Variants in SMAD9 observed in about 807,000 individuals in gnomAD.
SMAD9 encodes the protein SMAD family member 9, also known as MAD homolog 9.
SMAD9 carries 36 observed loss-of-function variants against 46.1 expected under a neutral mutation model. The ratio of observed to expected loss-of-function variants is 0.78; its 90% CI spans 0.60 to 1.03. The LOEUF (loss-of-function observed/expected upper bound fraction) is 1.03, where lower values mean the gene tolerates loss of function less well. Ranked by LOEUF, SMAD9 falls within the 50% of genes least tolerant of loss-of-function variation. SMAD9 has a pLI of 0.00. For synonymous variants in SMAD9, 245 were observed against 237.1 expected (o/e 1.03, Z -0.31); for missense variants, 572 against 599.8 (o/e 0.95, Z 0.48).
At chr13:36,910,174 G>A (rs902671256) in intron 1 of SMAD9, among the ~76,000 whole-genome samples, 2 of 151,772 alleles carry the variant, frequency 1.3e-5, no homozygotes, top group Non-Finnish European at 2.9e-5. Context: ...TCCGGCGTGG[G>A]GGACACAGCG....
At chr13:36,908,097 G>A (rs915183562) in intron 1 of SMAD9, among the ~76,000 whole-genome samples, 3 of 152,174 alleles carry the variant, frequency 2.0e-5, no homozygotes, top group African/African-American at 7.2e-5. Context: ...TTCTCTGATG[G>A]TGGTGGTTTT....
chr13:36,904,477 C>T (rs185130613), intron 1 of SMAD9, among the ~76,000 whole-genome samples: 1 of 152,166 alleles, frequency 6.6e-6, no homozygotes, highest in African/African-American at 2.4e-5. Context: ...GCCTTTTATT[C>T]CCTGGACGGC....
At chr13:36,851,717 A>G in intron 6 of SMAD9, 1 of 974,138 alleles carries the variant, frequency 1.0e-6, no homozygotes, top group Non-Finnish European at 1.2e-6. Flanking sequence ...ACAGCTGCTC[A>G]TCTCAAATGT....
chr13:36,852,029 A>G, intron 6 of SMAD9: 1 of 977,246 alleles, frequency 1.0e-6, no homozygotes, highest in South Asian at 4.7e-5. Context: ...GCAACAGAAC[A>G]TTTGAAAAGA....
intron 6 of SMAD9, among the ~76,000 whole-genome samples, chr13:36,850,442 C>T (rs1331266362): frequency 6.6e-6 from 1 of 152,094 alleles, no homozygotes; most frequent in Non-Finnish European, 1.5e-5. Context: ...TGCAATGGTG[C>T]GATCTCAGCT....
rs553076602 is a variant in SMAD9, at chr13:36,902,321, G to A, written c.-187+17795C>T. On this transcript the variant is annotated intron_variant, in intron 1 of 6. Coordinates refer to ENST00000379826, the MANE Select transcript of SMAD9 (RefSeq NM_001127217.3). ...AAAAATCAATTGGCCACAGATGTTCGGGTTTATTTCTGGACTTTCAATTCT... is the reference window on the plus strand; with the variant it reads ...AAAAATCAATTGGCCACAGATGTTCAGGTTTATTTCTGGACTTTCAATTCT... Among the ~76,000 whole-genome samples the A allele has an allele frequency of 5.2e-4, 79 of 152,144 alleles. 1 individual carries two copies. The highest frequency in any genetic ancestry group is 1.7e-3 in the African/African-American group (70 of 41,510).
chr13:36,879,994 C>T, intron 1 of SMAD9, 119 bp from the exon 2 acceptor site: 1 of 415,128 alleles, frequency 2.4e-6, no homozygotes, highest in Non-Finnish European at 4.5e-6. Context: ...GGGTGAATGG[C>T]TCGAGCCCAG....
At chr13:36,860,158 C>G (rs1184287599) in intron 5 of SMAD9, among the ~76,000 whole-genome samples, 1 of 152,208 alleles carries the variant, frequency 6.6e-6, no homozygotes, top group Admixed American at 6.5e-5. Context: ...GGGTCTGGGT[C>G]AGGACCGCTT....
intron 5 of SMAD9, among the ~76,000 whole-genome samples, chr13:36,859,166 T>C (rs1008892296): frequency 1.3e-5 from 2 of 152,234 alleles, no homozygotes; most frequent in Non-Finnish European, 2.9e-5. Context: ...GCATCCTATG[T>C]TAAAATATTT....
intron 6 of SMAD9, 75 bp downstream of exon 6, chr13:36,853,344 G>A: frequency 7.0e-7 from 1 of 1,433,904 alleles, no homozygotes; most frequent in Admixed American, 1.7e-5. Context: ...ACAACTGCCT[G>A]CCACATCAGT....
intron 3 of SMAD9, among the ~76,000 whole-genome samples, chr13:36,870,082 A>C (rs1027998257): frequency 6.6e-6 from 1 of 152,172 alleles, no homozygotes; most frequent in Non-Finnish European, 1.5e-5. Context: ...TCAGACAAGA[A>C]TTATTTTCTT....
At chr13:36,882,526 G>C (rs1006305971) in intron 1 of SMAD9, among the ~76,000 whole-genome samples, 12 of 152,164 alleles carry the variant, frequency 7.9e-5, no homozygotes, top group Non-Finnish European at 1.6e-4. Context: ...AATCATTACA[G>C]TGGTCTCACG....
At chr13:36,880,222 C>G (rs1215505065) in intron 1 of SMAD9, among the ~76,000 whole-genome samples, 1 of 152,218 alleles carries the variant, frequency 6.6e-6, no homozygotes, top group Non-Finnish European at 1.5e-5. Flanking sequence ...CACCTGAGGT[C>G]TGACTCACCA....
At chr13:36,893,912 TAA>T (rs746813537) in intron 1 of SMAD9, among the ~76,000 whole-genome samples, 11 of 152,258 alleles carry the variant, frequency 7.2e-5, no homozygotes, top group East Asian at 5.8e-4. Context: ...ATAATTTTTA[TAA>T]GTGTGCTACA....
At chr13:36,903,998 A>T (rs1047787909) in intron 1 of SMAD9, among the ~76,000 whole-genome samples, 7 of 152,204 alleles carry the variant, frequency 4.6e-5, no homozygotes, top group Non-Finnish European at 1.5e-5. Context: ...AATTATGGAA[A>T]TCCAAAGAGC....
chr13:36,872,081 G>A (rs1470820042), intron 3 of SMAD9, among the ~76,000 whole-genome samples: 4 of 152,038 alleles, frequency 2.6e-5, no homozygotes, highest in African/African-American at 9.7e-5. Context: ...CATGCTAGAG[G>A]CTCCCTTTCC....
chr13:36,895,531 A>G (rs1297518211), intron 1 of SMAD9, among the ~76,000 whole-genome samples: 3 of 152,204 alleles, frequency 2.0e-5, no homozygotes, highest in African/African-American at 4.8e-5. Context: ...ACATTGTCAA[A>G]TATCTCCTGT....
intron 4 of SMAD9, among the ~76,000 whole-genome samples, chr13:36,866,057 A>C (rs1411213905): frequency 6.6e-6 from 1 of 152,192 alleles, no homozygotes; most frequent in African/African-American, 2.4e-5. Context: ...TGAACAGATG[A>C]ACATAAAAAA....
chr13:36,846,608 T>G lies in SMAD9; in HGVS notation c.*2068A>C, dbSNP rs540526413. 1 of 151,922 alleles carries G rather than the reference T, an allele frequency of 6.6e-6. No homozygotes were observed. The highest frequency in any genetic ancestry group is 1.9e-4 in the East Asian group (1 of 5,160). The allele number at this position is 151,922 out of a possible 1,614,324, so 9.4% of individuals were successfully genotyped here. A position where few individuals can be genotyped will look rare whatever the true frequency, so the allele number is the denominator to read the frequency against. ...CCCATGGAATGGTTCCCATACAAGATTCACCATATTAATGCCTTTTCTAAG... is the reference window on the plus strand; with the variant it reads ...CCCATGGAATGGTTCCCATACAAGAGTCACCATATTAATGCCTTTTCTAAG... On this transcript the variant is annotated 3_prime_UTR_variant, in exon 7 of 7. Coordinates refer to ENST00000379826, the MANE Select transcript of SMAD9 (RefSeq NM_001127217.3).
Sources: allele counts gnomAD v4.1 joint callset (sites outside exome capture counted in the v4.1 genomes callset), GRCh38; gene constraint gnomAD v4.1.1; transcripts MANE v1.5; gene names NCBI Gene and HGNC (gene_info 2026-07-23, HGNC 2026-07-21).